The following AGMO variants were observed in gnomAD, a reference collection of about 807,000 sequenced individuals.
The protein encoded by AGMO is alkylglycerol monooxygenase.
Under a neutral mutation model 60.2 loss-of-function variants are expected in AGMO, and 75 were observed. The observed-to-expected ratio is 1.25, with a 90% CI of 1.03 to 1.51. The LOEUF is 1.51. Among genes scored for constraint, AGMO ranks in the 40% most tolerant of loss-of-function variants. The pLI, the probability that AGMO is intolerant of heterozygous loss-of-function variation, is 0.00. For missense variants in AGMO, 763 were observed against 525.5 expected (o/e 1.45, Z -4.42); for synonymous variants, 261 against 177.1 (o/e 1.47, Z -3.76).
At chr7:15,436,667 AAG>A (rs1047706790) in intron 3 of AGMO, among the ~76,000 whole-genome samples, 10 of 152,326 alleles carry the variant, frequency 6.6e-5, no homozygotes, top group Non-Finnish European at 5.9e-5. Flanking sequence ...ATGGAAAAAA[AAG>A]AGTTTTATTA....
At chr7:15,274,432 G>A (rs149123643) in intron 12 of AGMO, among the ~76,000 whole-genome samples, 3,380 of 152,204 alleles carry the variant, frequency 0.022, 125 homozygotes, top group African/African-American at 0.078. Context: ...ATTGATTTGC[G>A]TATGTTGAAC....
chr7:15,218,724 T>A (rs995958359), intron 12 of AGMO, among the ~76,000 whole-genome samples: 2 of 152,100 alleles, frequency 1.3e-5, no homozygotes, highest in Non-Finnish European at 2.9e-5. Context: ...ACAGGTGATA[T>A]TCCTGCTGGC....
At chr7:15,237,760 G>A (rs753052580) in intron 12 of AGMO, among the ~76,000 whole-genome samples, 17 of 152,042 alleles carry the variant, frequency 1.1e-4, no homozygotes, top group Non-Finnish European at 2.4e-4. Context: ...TGACCAAAGT[G>A]TAGACAGGCT....
At chr7:15,340,593 T>C (rs1781812470) in intron 12 of AGMO, among the ~76,000 whole-genome samples, 1 of 152,176 alleles carries the variant, frequency 6.6e-6, no homozygotes, top group African/African-American at 2.4e-5. Context: ...GGGGCCAAGA[T>C]ACCACTCAGG....
chr7:15,138,662 A>C, the AGMO span, among the ~76,000 whole-genome samples: 1 of 152,206 alleles, frequency 6.6e-6, no homozygotes, highest in Non-Finnish European at 1.5e-5. Flanking sequence ...ACCGTTTTCT[A>C]AACACCAATG....
the AGMO span, among the ~76,000 whole-genome samples, chr7:15,140,079 A>C: frequency 6.6e-6 from 1 of 151,220 alleles, no homozygotes; most frequent in African/African-American, 2.4e-5. Flanking sequence ...TAGGAAATAA[A>C]ATATAAATTA....
intron 12 of AGMO, among the ~76,000 whole-genome samples, chr7:15,226,961 A>G (rs1252157112): frequency 1.3e-5 from 2 of 152,068 alleles, no homozygotes; most frequent in African/African-American, 4.8e-5. Flanking sequence ...AAGAAGAGAA[A>G]GACTCTTAAT....
At chr7:15,440,261 T>C (rs149589702) in intron 3 of AGMO, among the ~76,000 whole-genome samples, 185 of 152,290 alleles carry the variant, frequency 1.2e-3, no homozygotes, top group African/African-American at 4.2e-3. Flanking sequence ...TGCATTTTGT[T>C]GAGAAAAGGT....
intron 12 of AGMO, among the ~76,000 whole-genome samples, chr7:15,213,597 C>T (rs886382508): frequency 8.6e-5 from 13 of 151,804 alleles, no homozygotes; most frequent in Non-Finnish European, 1.8e-4. Context: ...TAAAAGCATC[C>T]TCCACACATT....
intron 12 of AGMO, among the ~76,000 whole-genome samples, chr7:15,323,320 ATTGT>A (rs760317911): frequency 5.3e-5 from 8 of 152,246 alleles, no homozygotes; most frequent in South Asian, 2.1e-4. Context: ...GTATATTTAT[ATTGT>A]TTATTTTTGT....
At chr7:15,458,194 C>G (rs1345381131) in intron 3 of AGMO, among the ~76,000 whole-genome samples, 1 of 152,158 alleles carries the variant, frequency 6.6e-6, no homozygotes, top group Non-Finnish European at 1.5e-5. Flanking sequence ...CCTCCTTCAA[C>G]AGCCAGGAGT....
intron 12 of AGMO, among the ~76,000 whole-genome samples, chr7:15,351,897 ATG>A (rs1782256089): frequency 1.9e-5 from 2 of 102,728 alleles, no homozygotes; most frequent in Admixed American, 1.1e-4. Context: ...ATTATGAATC[ATG>A]TGGAATATTT....
At chr7:15,131,041 T>C in the AGMO span, among the ~76,000 whole-genome samples, 1 of 151,508 alleles carries the variant, frequency 6.6e-6, no homozygotes, top group Non-Finnish European at 1.5e-5. Context: ...TTTCAAATTT[T>C]TGCTTGTATT....
chr7:15,174,472 A>T, the AGMO span, among the ~76,000 whole-genome samples: 2 of 152,126 alleles, frequency 1.3e-5, no homozygotes, highest in African/African-American at 4.8e-5. Context: ...TGATTTTATC[A>T]CATTGGTAAA....
At chr7:15,402,359 C>G (rs1238480818) in intron 5 of AGMO, among the ~76,000 whole-genome samples, 1 of 150,920 alleles carries the variant, frequency 6.6e-6, no homozygotes, top group Non-Finnish European at 1.5e-5. Flanking sequence ...TTTCATCTAT[C>G]TATCTGTATC....
At chr7:15,232,797 A>ACACG (rs945119216) in intron 12 of AGMO, among the ~76,000 whole-genome samples, 10 of 118,646 alleles carry the variant, frequency 8.4e-5, no homozygotes, top group African/African-American at 4.0e-4. Context: ...AACCACACAC[A>ACACG]CACGCACACA....
At chr7:15,324,494 T>C (rs1265658808) in intron 12 of AGMO, among the ~76,000 whole-genome samples, 3 of 152,142 alleles carry the variant, frequency 2.0e-5, no homozygotes, top group Non-Finnish European at 4.4e-5. Context: ...AAGTGCCTTC[T>C]TGATTTCTTT....
chr7:15,500,808 T>A (rs1783363340), intron 3 of AGMO, among the ~76,000 whole-genome samples: 1 of 151,896 alleles, frequency 6.6e-6, no homozygotes, highest in Admixed American at 6.6e-5. Context: ...CTTTCCAACT[T>A]TTAGATGTGG....
At chr7:15,273,075 G>T (rs1005840701) in intron 12 of AGMO, among the ~76,000 whole-genome samples, 40 of 152,106 alleles carry the variant, frequency 2.6e-4, no homozygotes, top group Non-Finnish European at 8.8e-5. Flanking sequence ...CATTCTGTAG[G>T]TTGCCTGCTC....
Sources: gnomAD v4.1 joint callset for allele counts (sites outside exome capture counted in the v4.1 genomes callset) on GRCh38, gnomAD v4.1.1 for gene constraint, MANE v1.5 for transcripts, NCBI Gene and HGNC (gene_info 2026-07-23, HGNC 2026-07-21) for gene names.